Variants in XIRP2 observed in about 807,000 individuals in gnomAD.
XIRP2 encodes the protein xin actin-binding repeat-containing protein 2.
Under a neutral mutation model 277.0 loss-of-function variants are expected in XIRP2, and 236 were observed. The ratio of observed to expected loss-of-function variants is 0.85; its 90% CI spans 0.77 to 0.95. The LOEUF (loss-of-function observed/expected upper bound fraction) is 0.95, where lower values mean the gene tolerates loss of function less well. XIRP2 is among the 40% of genes least tolerant of loss of function. The pLI is 0.00. For missense variants in XIRP2, 4,640 were observed against 4,157.5 expected (o/e 1.12, Z -3.19); for synonymous variants, 1,490 against 1,416.5 (o/e 1.05, Z -1.17).
At chr2:167,049,421 A>G (rs1688864633) in intron 2 of XIRP2, among the ~76,000 whole-genome samples, 1 of 151,718 alleles carries the variant, frequency 6.6e-6, no homozygotes, top group African/African-American at 2.4e-5. Context: ...TTAACAAAAC[A>G]GAATAGAATA....
intron 2 of XIRP2, among the ~76,000 whole-genome samples, chr2:167,043,167 C>T (rs113357128): frequency 7.7e-4 from 117 of 152,054 alleles, no homozygotes; most frequent in Middle Eastern, 3.4e-3. Flanking sequence ...CAGAATTTCT[C>T]GGATACAGCT....
intron 3 of XIRP2, among the ~76,000 whole-genome samples, chr2:167,158,665 CA>C (rs1377512388): frequency 1.3e-5 from 2 of 152,112 alleles, no homozygotes; most frequent in Non-Finnish European, 2.9e-5. Flanking sequence ...TTATTCCTAG[CA>C]AATGAAATTA....
intron 2 of XIRP2, among the ~76,000 whole-genome samples, chr2:166,918,933 G>C (rs1354874464): frequency 6.6e-6 from 1 of 151,990 alleles, no homozygotes; most frequent in Non-Finnish European, 1.5e-5. Flanking sequence ...TTATTCCTCT[G>C]ACTAAGTCCT....
chr2:166,994,684 CT>C (rs1214188200), intron 2 of XIRP2, among the ~76,000 whole-genome samples: 2 of 128,216 alleles, frequency 1.6e-5, no homozygotes, highest in African/African-American at 6.2e-5. Flanking sequence ...ATTCCTCAGT[CT>C]ATCAAAAAAA....
intron 2 of XIRP2, among the ~76,000 whole-genome samples, chr2:167,010,725 T>G (rs1333936549): frequency 6.6e-6 from 1 of 152,158 alleles, no homozygotes; most frequent in Non-Finnish European, 1.5e-5. Flanking sequence ...TTCCATTTGT[T>G]TGTATCCTCT....
intron 2 of XIRP2, among the ~76,000 whole-genome samples, chr2:167,013,653 C>G (rs977519545): frequency 2.6e-5 from 4 of 151,432 alleles, no homozygotes; most frequent in Non-Finnish European, 5.9e-5. Context: ...TTCTATTTGT[C>G]AAGGGACATA....
At chr2:167,043,597 A>G (rs531428913) in intron 2 of XIRP2, among the ~76,000 whole-genome samples, 1 of 152,122 alleles carries the variant, frequency 6.6e-6, no homozygotes, top group Non-Finnish European at 1.5e-5. Flanking sequence ...CCTAGAAGAA[A>G]TAGATAAAGT....
chr2:166,997,489 AT>A (rs569929985), intron 2 of XIRP2, among the ~76,000 whole-genome samples: 2 of 152,122 alleles, frequency 1.3e-5, no homozygotes, highest in East Asian at 3.9e-4. Flanking sequence ...TCCATTTAAT[AT>A]TTTTTTCCAG....
chr2:166,982,519 TG>T (rs976340522), intron 2 of XIRP2, among the ~76,000 whole-genome samples: 2 of 152,062 alleles, frequency 1.3e-5, no homozygotes, highest in African/African-American at 2.4e-5. Context: ...ACCTCTATCA[TG>T]TTTTTTTATT....
At chr2:167,034,721 T>C (rs76138537) in intron 2 of XIRP2, among the ~76,000 whole-genome samples, 25,040 of 152,134 alleles carry the variant, frequency 0.16, 2,561 homozygotes, top group East Asian at 0.51. Flanking sequence ...AAGGAGTCAA[T>C]TCAGCAAGAG....
At chr2:167,078,545 G>A (rs58046912) in intron 2 of XIRP2, among the ~76,000 whole-genome samples, 17,721 of 151,406 alleles carry the variant, frequency 0.12, 2,173 homozygotes, top group African/African-American at 0.31. Flanking sequence ...TGCCTTTAAC[G>A]GCAAAAACTG....
At chr2:166,904,522 A>G in intron 2 of XIRP2, among the ~76,000 whole-genome samples, 1 of 152,174 alleles carries the variant, frequency 6.6e-6, no homozygotes. Flanking sequence ...CTATAATGTC[A>G]CATATAAAAT....
intron 2 of XIRP2, among the ~76,000 whole-genome samples, chr2:166,937,690 C>G (rs987688144): frequency 6.6e-6 from 1 of 152,036 alleles, no homozygotes; most frequent in Non-Finnish European, 1.5e-5. Flanking sequence ...CTCCTTGTAC[C>G]TCTGGTAGAA....
chr2:167,031,157 CT>C (rs1688335408), intron 2 of XIRP2, among the ~76,000 whole-genome samples: 2 of 151,962 alleles, frequency 1.3e-5, no homozygotes, highest in African/African-American at 4.8e-5. Context: ...ATTTGCCAGT[CT>C]TTGACTTTTG....
rs184735843 is a variant in XIRP2 at position 166,951,011 on chromosome 2, A to G, written c.408+47121A>G. 3.2e-3 allele frequency among the ~76,000 whole-genome samples: 494 copies of G among 152,206 alleles called. 4 individuals are homozygous for G. The highest frequency in any genetic ancestry group is 0.011 in the African/African-American group (470 of 41,554). On this transcript the variant is annotated intron_variant, in intron 2 of 10. Transcript: ENST00000409195. ...GAGTATTTGGGATCAAATAAAGGAG[A>G]CAAAATATCTAGCATTTTGGTCCCA...
intron 1 of XIRP2, among the ~76,000 whole-genome samples, chr2:166,901,688 A>T (rs1558908656): frequency 6.6e-6 from 1 of 152,128 alleles, no homozygotes; most frequent in Non-Finnish European, 1.5e-5. Context: ...AGACACAGAC[A>T]TTAACAGCAT....
chr2:166,927,031 A>T (rs1558918665), intron 2 of XIRP2, among the ~76,000 whole-genome samples: 1 of 152,180 alleles, frequency 6.6e-6, no homozygotes, highest in African/African-American at 2.4e-5. Context: ...CATGCTCAAC[A>T]TTAATTTGAA....
intron 2 of XIRP2, among the ~76,000 whole-genome samples, chr2:167,094,676 A>G (rs1243650414): frequency 6.6e-6 from 1 of 152,046 alleles, no homozygotes; most frequent in Non-Finnish European, 1.5e-5. Context: ...ATTGGTCTAC[A>G]TATCTGTTTT....
At chr2:167,026,138 C>A (rs1025012622) in intron 2 of XIRP2, among the ~76,000 whole-genome samples, 42 of 151,954 alleles carry the variant, frequency 2.8e-4, no homozygotes, top group South Asian at 2.1e-4. Context: ...TCTGGGTGCT[C>A]CTGTATTGGG....
Sources: allele counts gnomAD v4.1 joint callset (sites outside exome capture counted in the v4.1 genomes callset), GRCh38; gene constraint gnomAD v4.1.1; transcripts MANE v1.5; gene names NCBI Gene and HGNC (gene_info 2026-07-23, HGNC 2026-07-21).